The following ADAM10 variants were observed in gnomAD, a reference collection of about 807,000 sequenced individuals.
ADAM10 encodes the protein ADAM metallopeptidase domain 10, also known as disintegrin and metalloproteinase domain-containing protein 10.
In ADAM10, 17 loss-of-function variants were observed where a neutral mutation model predicts 90.1. The ratio of observed to expected loss-of-function variants is 0.19; its 90% confidence interval spans 0.13 to 0.28. The LOEUF (loss-of-function observed/expected upper bound fraction) is 0.28, where lower values mean the gene tolerates loss of function less well. Among genes scored for constraint, ADAM10 ranks in the 10% least tolerant of loss-of-function variants. The pLI is 1.00. For synonymous variants in ADAM10, 310 were observed against 298.6 expected, an observed-to-expected ratio of 1.04 and a Z score of -0.40; for missense variants, 610 against 914.3, an observed-to-expected ratio of 0.67 and a Z score of 4.29.
chr15:58,620,561 A>C (rs1895750269), intron 11 of ADAM10, among the ~76,000 whole-genome samples: 1 of 152,220 alleles, frequency 6.6e-6, no homozygotes, highest in Non-Finnish European at 1.5e-5. Flanking sequence ...GCCAAGTTAG[A>C]AAAGTAAATG....
At chr15:58,691,598 G>C (rs1897799767) in intron 2 of ADAM10, 1 of 470,574 alleles carries the variant, frequency 2.1e-6, no homozygotes, top group Admixed American at 2.4e-5. Flanking sequence ...AGATTTTAGA[G>C]AATACCTCAT....
chr15:58,671,434 G>A (rs1897187746), intron 4 of ADAM10, among the ~76,000 whole-genome samples: 1 of 152,174 alleles, frequency 6.6e-6, no homozygotes, highest in Non-Finnish European at 1.5e-5. Context: ...ACTCTTATAA[G>A]GTCACTGGTA....
intron 14 of ADAM10, among the ~76,000 whole-genome samples, chr15:58,606,512 A>G (rs1895278267): frequency 6.6e-6 from 1 of 152,226 alleles, no homozygotes; most frequent in Admixed American, 6.5e-5. Context: ...CTGTGTCCTC[A>G]CTATATGCTG....
chr15:58,710,892 T>C (rs1898451331), intron 2 of ADAM10, among the ~76,000 whole-genome samples: 2 of 152,222 alleles, frequency 1.3e-5, no homozygotes, highest in Admixed American at 1.3e-4. Flanking sequence ...AGATTTCTGC[T>C]ACCTGACTCA....
chr15:58,638,697 G>A (rs978492234), intron 8 of ADAM10, among the ~76,000 whole-genome samples: 6 of 150,880 alleles, frequency 4.0e-5, no homozygotes, highest in African/African-American at 7.3e-5. Flanking sequence ...TCAGGAAAAT[G>A]AGCAGCATCA....
intron 1 of ADAM10, among the ~76,000 whole-genome samples, chr15:58,719,282 C>T (rs780976242): frequency 2.0e-5 from 3 of 152,074 alleles, no homozygotes; most frequent in Non-Finnish European, 4.4e-5. Context: ...CGAGATCATG[C>T]CATTGCACTC....
chr15:58,679,407 G>T, intron 3 of ADAM10, 125 bp from the exon 4 acceptor site: 3 of 803,400 alleles, frequency 3.7e-6, no homozygotes, highest in Non-Finnish European at 6.0e-6. Context: ...CATATATATG[G>T]TTAAATCTTG....
At chr15:58,704,907 T>G (rs1184188594) in intron 2 of ADAM10, among the ~76,000 whole-genome samples, 4 of 152,200 alleles carry the variant, frequency 2.6e-5, no homozygotes, top group Non-Finnish European at 4.4e-5. Flanking sequence ...GTATCAAGAA[T>G]GCCTCTCAAG....
intron 5 of ADAM10, among the ~76,000 whole-genome samples, chr15:58,655,696 G>GTATATATATATACTATATATAGTGTGTA (rs1896796207): frequency 1.5e-5 from 1 of 68,260 alleles, no homozygotes; most frequent in Non-Finnish European, 2.4e-5. Context: ...ATTATATATA[G>GTATATATATATACTATATATAGTGTGTA]TATATATATA....
At chr15:58,633,430 A>C in intron 8 of ADAM10, 71 bp from the exon 9 acceptor site, 1 of 1,265,890 alleles carries the variant, frequency 7.9e-7, no homozygotes, top group South Asian at 1.3e-5. Context: ...AATACATGCT[A>C]TATTAAATGA....
At position 58,602,943 on chromosome 15, in the gene ADAM10, T is replaced by C. The variant is rs1480273665; in HGVS notation, c.2026-3219A>G. ...GAGAAGCAATATATCCGAATTTTTA[T>C]TTAAAATCTATTTTTAAATGCTGGC... On this transcript the variant is annotated intron_variant, in intron 14 of 15. Transcript: ENST00000260408. Among the ~76,000 whole-genome samples, 3 of 152,222 alleles carry C rather than the reference T, an allele frequency of 2.0e-5. No homozygotes were observed. In the East Asian group the frequency reaches 5.8e-4, roughly 29 times the overall value.
At chr15:58,721,818 A>G (rs1898863844) in intron 1 of ADAM10, among the ~76,000 whole-genome samples, 1 of 152,162 alleles carries the variant, frequency 6.6e-6, no homozygotes, top group African/African-American at 2.4e-5. Flanking sequence ...GCTTGAGGTC[A>G]GGAGTTCAAG....
chr15:58,749,604 A>C lies in ADAM10; in HGVS notation c.-70T>G, dbSNP rs1595678813. On this transcript the variant is annotated 5_prime_UTR_variant, in exon 1 of 16. Transcript: ENST00000260408. ...AGCAGCACATCGATCCGGAGGGAGA[A>C]GCTGAAGGGGCTTGGTCCGGAGCCT... is the stretch of plus-strand genomic sequence containing the variant. 1.3e-6 allele frequency: 2 copies of C among 1,547,066 alleles called. No individual in the cohort carries two copies. The highest frequency in any genetic ancestry group is 8.7e-7 in the Non-Finnish European group (1 of 1,144,724).
At chr15:58,701,368 C>T (rs1340454563) in intron 2 of ADAM10, among the ~76,000 whole-genome samples, 1 of 151,946 alleles carries the variant, frequency 6.6e-6, no homozygotes, top group Non-Finnish European at 1.5e-5. Context: ...ATAGAAATGG[C>T]CAAAAGGTAT....
At chr15:58,622,061 T>C (rs777564855) in intron 10 of ADAM10, among the ~76,000 whole-genome samples, 11 of 152,230 alleles carry the variant, frequency 7.2e-5, no homozygotes, top group Non-Finnish European at 1.6e-4. Flanking sequence ...AATTCCCATG[T>C]ACCAATCACT....
chr15:58,608,895 C>A (rs1289073917), intron 14 of ADAM10, among the ~76,000 whole-genome samples: 5 of 151,960 alleles, frequency 3.3e-5, no homozygotes, highest in Admixed American at 2.6e-4. Flanking sequence ...AAATATCTAG[C>A]ACAATATATA....
At chr15:58,616,837 G>A (rs1456304608) in intron 11 of ADAM10, among the ~76,000 whole-genome samples, 1 of 152,076 alleles carries the variant, frequency 6.6e-6, no homozygotes, top group Non-Finnish European at 1.5e-5. Context: ...GGCCAGGCAC[G>A]GTGGCTTATG....
intron 15 of ADAM10, among the ~76,000 whole-genome samples, chr15:58,598,497 T>C (rs1895019058): frequency 6.6e-6 from 1 of 152,194 alleles, no homozygotes; most frequent in Admixed American, 6.5e-5. Flanking sequence ...GACAGGTAAA[T>C]GCAGGTGAAC....
intron 4 of ADAM10, 127 bp from the exon 5 acceptor site, chr15:58,665,324 T>G (rs930499816): frequency 1.3e-6 from 1 of 783,078 alleles, no homozygotes. Context: ...TAAGCACCTA[T>G]GGAAAAGGCA....
Sources: allele counts gnomAD v4.1 joint callset (sites outside exome capture counted in the v4.1 genomes callset), GRCh38; gene constraint gnomAD v4.1.1; transcripts MANE v1.5; gene names NCBI Gene and HGNC (gene_info 2026-07-23, HGNC 2026-07-21).